LAMA2: variants seen among roughly 807,000 people sequenced by gnomAD.
LAMA2 encodes laminin subunit alpha-2.
LAMA2 carries 269 observed loss-of-function variants against 364.8 expected under a neutral mutation model. That is an observed-to-expected ratio of 0.74 (90% CI 0.67 to 0.82). The LOEUF (loss-of-function observed/expected upper bound fraction) is 0.82, where lower values mean the gene tolerates loss of function less well. Ranked by LOEUF, LAMA2 falls within the 40% of genes least tolerant of loss-of-function variation. The probability of loss-of-function intolerance (pLI) is 0.00; values close to 1 mark genes in which losing one functional copy is unlikely to be tolerated. For synonymous variants in LAMA2, 1,379 were observed against 1,370.6 expected, an observed-to-expected ratio of 1.01 and a Z score of -0.14; for missense variants, 3,807 against 3,873.2, an observed-to-expected ratio of 0.98 and a Z score of 0.45.
intron 34 of LAMA2, among the ~76,000 whole-genome samples, chr6:129,376,098 G>A (rs1057236739): frequency 1.3e-5 from 2 of 152,034 alleles, no homozygotes; most frequent in African/African-American, 4.8e-5. Context: ...TTGTACTATG[G>A]CTTTCCACTT....
At chr6:129,179,248 A>G (rs1395878012) in intron 10 of LAMA2, among the ~76,000 whole-genome samples, 1 of 152,012 alleles carries the variant, frequency 6.6e-6, no homozygotes, top group Non-Finnish European at 1.5e-5. Flanking sequence ...TCTCTTTTCA[A>G]AACTCCACAG....
At chr6:129,293,553 C>T (rs139761637) in intron 20 of LAMA2, among the ~76,000 whole-genome samples, 3 of 152,302 alleles carry the variant, frequency 2.0e-5, no homozygotes, top group African/African-American at 7.2e-5. Flanking sequence ...GCAAGAAACA[C>T]ATTTTCACAC....
At chr6:128,907,152 G>GT (rs1228476729) in intron 1 of LAMA2, among the ~76,000 whole-genome samples, 4 of 143,128 alleles carry the variant, frequency 2.8e-5, no homozygotes, top group Non-Finnish European at 6.1e-5. Flanking sequence ...CTTTAAAGTA[G>GT]TTTTTTCCAA....
chr6:129,441,749 C>T (rs544810578), intron 43 of LAMA2, among the ~76,000 whole-genome samples: 2 of 152,074 alleles, frequency 1.3e-5, no homozygotes, highest in African/African-American at 2.4e-5. Context: ...GAGCCTGAGG[C>T]GAGAGGATCA....
At chr6:129,342,510 C>T in intron 30 of LAMA2, 43 bp downstream of exon 30, 1 of 1,602,474 alleles carries the variant, frequency 6.2e-7, no homozygotes, top group Non-Finnish European at 8.5e-7. Flanking sequence ...TCAGAAACGC[C>T]ATCTGTCTAG....
At chr6:129,161,713 C>T (rs926394877) in intron 8 of LAMA2, among the ~76,000 whole-genome samples, 1 of 152,040 alleles carries the variant, frequency 6.6e-6, no homozygotes, top group Admixed American at 6.6e-5. Flanking sequence ...TCCATGTGTA[C>T]TCAATGTTTA....
chr6:129,368,838 T>C (rs924727442), intron 33 of LAMA2, among the ~76,000 whole-genome samples: 1 of 152,202 alleles, frequency 6.6e-6, no homozygotes, highest in Non-Finnish European at 1.5e-5. Context: ...ACTTAAGTTA[T>C]TTCACCTCTT....
At chr6:128,922,587 C>T (rs1325195528) in intron 1 of LAMA2, among the ~76,000 whole-genome samples, 1 of 151,642 alleles carries the variant, frequency 6.6e-6, no homozygotes, top group African/African-American at 2.4e-5. Context: ...TGTTTGAGTT[C>T]ATTGTAGATT....
intron 3 of LAMA2, among the ~76,000 whole-genome samples, chr6:129,069,909 CTT>C (rs1386752884): frequency 6.6e-6 from 1 of 150,704 alleles, no homozygotes; most frequent in Non-Finnish European, 1.5e-5. Context: ...ATATATAAGA[CTT>C]TTTCTAGAAA....
intron 29 of LAMA2, among the ~76,000 whole-genome samples, chr6:129,330,930 G>A (rs1451192607): frequency 1.3e-5 from 2 of 151,278 alleles, no homozygotes; most frequent in African/African-American, 4.9e-5. Context: ...GTGCAGTGAC[G>A]CGATCTCAGC....
intron 1 of LAMA2, among the ~76,000 whole-genome samples, chr6:128,949,797 T>G (rs556367388): frequency 6.6e-6 from 1 of 152,312 alleles, no homozygotes; most frequent in Non-Finnish European, 1.5e-5. Flanking sequence ...AAATGTTCAA[T>G]TTTCACTAAA....
chr6:128,973,043 A>C (rs541611482), intron 1 of LAMA2, among the ~76,000 whole-genome samples: 17 of 152,174 alleles, frequency 1.1e-4, no homozygotes, highest in Non-Finnish European at 2.5e-4. Context: ...AGATTAGACA[A>C]CGTATTAATT....
chr6:129,189,783 G>A (rs1181814107), intron 10 of LAMA2, among the ~76,000 whole-genome samples: 1 of 152,074 alleles, frequency 6.6e-6, no homozygotes, highest in Non-Finnish European at 1.5e-5. Flanking sequence ...ATGCATTAAT[G>A]TCTTTAATTT....
intron 46 of LAMA2, among the ~76,000 whole-genome samples, 198 bp from the exon 47 acceptor site, chr6:129,453,957 T>C (rs1426519647): frequency 6.6e-6 from 1 of 150,684 alleles, no homozygotes; most frequent in Non-Finnish European, 1.5e-5. Flanking sequence ...TTTTTTTTTT[T>C]TGCTTTAAGG....
At chr6:129,308,051 A>G (rs1773988261) in intron 22 of LAMA2, among the ~76,000 whole-genome samples, 1 of 152,258 alleles carries the variant, frequency 6.6e-6, no homozygotes, top group Non-Finnish European at 1.5e-5. Flanking sequence ...ATGCTGACCT[A>G]GAGGAAAACA....
At chr6:129,048,540 C>CCTTTCTTTCTTTCTTTCTTT (rs1308439018) in intron 1 of LAMA2, among the ~76,000 whole-genome samples, 2 of 53,942 alleles carry the variant, frequency 3.7e-5, no homozygotes, top group African/African-American at 1.1e-4. Flanking sequence ...TTCCTTCCTT[C>CCTTTCTTTCTTTCTTTCTTT]CTTTCTTTCT....
At chr6:129,477,799 T>A (rs1483213572) in intron 53 of LAMA2, among the ~76,000 whole-genome samples, 2 of 152,190 alleles carry the variant, frequency 1.3e-5, no homozygotes, top group African/African-American at 4.8e-5. Flanking sequence ...TTTTTTTATT[T>A]TGAGACAGGG....
At chr6:129,215,297 G>C (rs938699340) in intron 12 of LAMA2, among the ~76,000 whole-genome samples, 1 of 152,140 alleles carries the variant, frequency 6.6e-6, no homozygotes, top group African/African-American at 2.4e-5. Flanking sequence ...AAGGCCTCAA[G>C]AGATTATTCA....
chr6:129,478,785 T>C lies in LAMA2; in HGVS notation c.7544T>C (p.Val2515Ala). ...AATATACTCAGTAGTCCCGATTATG[T>C]TGGTGTTACCAAAGGATGTTCCCTG... Reference protein sequence around the residue: ...PYNILSSPDYVGVTKGCSLEN... With the variant: ...PYNILSSPDYAGVTKGCSLEN... Residue 2515 changes from valine to alanine, a missense_variant, in exon 54 of 65, where the codon GTT becomes GCT. Physicochemically the swap from Val to Ala is moderately conservative, Grantham distance 64 (BLOSUM62 0). Around this residue, in one of 3 missense-constraint regions of LAMA2, gnomAD observed 3,333 missense variants for 3,345.7 expected, o/e 1.00. Transcript: ENST00000421865. 1.9e-6 allele frequency: 3 copies of C among 1,613,312 alleles called. No individual in the cohort carries two copies. Among genetic ancestry groups the C allele is most frequent in the Non-Finnish European group, 2.5e-6 (3 of 1,179,288 alleles).
Sources: gnomAD v4.1 joint callset for allele counts (sites outside exome capture counted in the v4.1 genomes callset) on GRCh38, gnomAD v4.1.1 for gene constraint, gnomAD v4.1.1 regional missense constraint, MANE v1.5 for transcripts, NCBI Gene and HGNC (gene_info 2026-07-23, HGNC 2026-07-21) for gene names.